TOX2: variants seen among roughly 807,000 people sequenced by gnomAD.
TOX2 encodes the protein granulosa cell HMG box 1.
TOX2 carries 15 observed loss-of-function variants against 47.4 expected under a neutral mutation model. That is an observed-to-expected ratio of 0.32 (90% CI 0.21 to 0.49). TOX2 has a LOEUF of 0.49. Ranked by LOEUF, TOX2 falls within the 20% of genes least tolerant of loss-of-function variation. The pLI is 0.99. For synonymous variants in TOX2, 290 were observed against 296.6 expected (o/e 0.98, Z 0.23); for missense variants, 622 against 673.1 (o/e 0.92, Z 0.84).
At chr20:44,060,479 T>C (rs1305455201) in intron 5 of TOX2, among the ~76,000 whole-genome samples, 1 of 152,086 alleles carries the variant, frequency 6.6e-6, no homozygotes, top group African/African-American at 2.4e-5. Context: ...TGGAACGTTC[T>C]CCAAGATAGA....
chr20:43,974,855 C>T lies in TOX2; in HGVS notation c.165+1423C>T, dbSNP rs556870595. ...CCTGCCGCTGCAGGATCGCTCATGCCGGGGCCACCATACCATGCCCCTCTC... is the reference window on the plus strand; with the variant it reads ...CCTGCCGCTGCAGGATCGCTCATGCTGGGGCCACCATACCATGCCCCTCTC... On this transcript the variant is annotated intron_variant, in intron 2 of 8. Coordinates refer to ENST00000341197, the MANE Select transcript of TOX2 (RefSeq NM_001098797.2). Among the ~76,000 whole-genome samples, 9 of 152,296 alleles carry T rather than the reference C, an allele frequency of 5.9e-5. No homozygotes were observed. In the South Asian group the frequency reaches 1.0e-3, roughly 18 times the overall value.
At position 43,915,011 on chromosome 20, in the gene TOX2, G is replaced by GT. The variant is rs2069040431; in HGVS notation, c.99+22dup. 8.1e-7 allele frequency: 1 copy of GT among 1,232,602 alleles called. No individual in the cohort carries two copies. Among genetic ancestry groups the GT allele is most frequent in the African/African-American group, 1.6e-5 (1 of 62,770 alleles). 76.4% of individuals were successfully genotyped at this position (1,232,602 alleles called of 1,614,324 possible). On this transcript the variant is annotated intron_variant, in intron 1 of 8. Transcript: ENST00000341197. This position sits in a 1 kb window ranked among gnomAD's most constrained non-coding sequence, Gnocchi z 7.1. ...GCAAGGTAGGCGGGGGCGGGCGGGG[G>GT]TCCCCGGCGGGCGGGGCCGGAGTCA...
chr20:43,925,838 A>G (rs532164501), intron 1 of TOX2, among the ~76,000 whole-genome samples: 30 of 152,330 alleles, frequency 2.0e-4, no homozygotes, highest in Admixed American at 3.9e-4. Context: ...TTAGGTGAGA[A>G]GACTGAGGTC....
intron 2 of TOX2, among the ~76,000 whole-genome samples, chr20:44,000,098 G>A (rs918156033): frequency 2.6e-5 from 4 of 152,186 alleles, no homozygotes; most frequent in Admixed American, 1.3e-4. Flanking sequence ...AGATGATGAC[G>A]TCAGAGAGGT....
At chr20:43,991,157 A>T (rs1004317870) in intron 2 of TOX2, among the ~76,000 whole-genome samples, 1 of 152,226 alleles carries the variant, frequency 6.6e-6, no homozygotes, top group Non-Finnish European at 1.5e-5. Context: ...AAGGTCACAC[A>T]GCCTGTCAGA....
intron 2 of TOX2, among the ~76,000 whole-genome samples, chr20:43,994,325 G>A (rs2070427364): frequency 6.6e-6 from 1 of 151,756 alleles, no homozygotes. Context: ...CAGGTGTGTT[G>A]GCTCGTGCCT....
chr20:44,065,188 G>C (rs1056672308), intron 6 of TOX2, among the ~76,000 whole-genome samples: 1 of 152,152 alleles, frequency 6.6e-6, no homozygotes, highest in African/African-American at 2.4e-5. Flanking sequence ...CCGCTGATGG[G>C]GCTTGGGACA....
At chr20:44,056,539 A>G (rs1280762636) in intron 5 of TOX2, among the ~76,000 whole-genome samples, 1 of 152,194 alleles carries the variant, frequency 6.6e-6, no homozygotes, top group Non-Finnish European at 1.5e-5. Context: ...AGCGCAGCCC[A>G]GAGGCAAGCA....
intron 1 of TOX2, among the ~76,000 whole-genome samples, chr20:43,921,525 G>T (rs539447736): frequency 6.6e-6 from 1 of 152,122 alleles, no homozygotes; most frequent in Non-Finnish European, 1.5e-5. Flanking sequence ...GTAGCACTTG[G>T]CCCCAGCAGG....
chr20:43,946,071 G>A (rs200213866), intron 1 of TOX2: 34 of 1,611,226 alleles, frequency 2.1e-5, no homozygotes, highest in Non-Finnish European at 2.4e-5. Context: ...CCCATGAGGT[G>A]GAGGTGGTCA....
At chr20:44,057,071 G>T (rs910457460) in intron 5 of TOX2, among the ~76,000 whole-genome samples, 1 of 152,036 alleles carries the variant, frequency 6.6e-6, no homozygotes, top group Non-Finnish European at 1.5e-5. Context: ...GCATCACCAT[G>T]CCCCACAAAA....
chr20:44,066,407 C>T (rs183898875), intron 7 of TOX2, among the ~76,000 whole-genome samples: 17 of 152,312 alleles, frequency 1.1e-4, no homozygotes, highest in Admixed American at 5.9e-4. Flanking sequence ...ACCTTACCCC[C>T]GCTAATTGTT....
chr20:43,961,934 A>T (rs1006739848), intron 1 of TOX2, among the ~76,000 whole-genome samples: 3 of 152,172 alleles, frequency 2.0e-5, no homozygotes, highest in Non-Finnish European at 4.4e-5. Context: ...TTCCCAGCCC[A>T]GCTCCCTCCA....
chr20:43,965,781 G>A (rs925205507), intron 1 of TOX2, among the ~76,000 whole-genome samples: 1 of 152,184 alleles, frequency 6.6e-6, no homozygotes, highest in Non-Finnish European at 1.5e-5. Context: ...AGAAGACATG[G>A]GAGGGACAGG....
At position 43,965,497 on chromosome 20, in the gene TOX2, C is replaced by T. The variant is rs141040738; in HGVS notation, c.100-7870C>T. On this transcript the variant is annotated intron_variant, in intron 1 of 8. Coordinates refer to ENST00000341197, the MANE Select transcript of TOX2 (RefSeq NM_001098797.2). The stretch of plus-strand genomic sequence containing the variant: ...CACACTCCCTGTCACATAGTAAGCA[C>T]GCACAAGAGATCGTTCAATGAACAG... Among the ~76,000 whole-genome samples, 20 of 152,316 alleles carry T rather than the reference C, an allele frequency of 1.3e-4. No individual in the cohort carries two copies. The South Asian group carries it at 2.3e-3, about 17-fold the overall frequency.
At chr20:43,982,300 G>A (rs1281101957) in intron 2 of TOX2, among the ~76,000 whole-genome samples, 1 of 152,180 alleles carries the variant, frequency 6.6e-6, no homozygotes, top group Non-Finnish European at 1.5e-5. Context: ...ATGGGAGAAT[G>A]AGCTCCCGGT....
At chr20:44,055,879 T>A (rs1384915897) in intron 5 of TOX2, among the ~76,000 whole-genome samples, 2 of 152,268 alleles carry the variant, frequency 1.3e-5, no homozygotes, top group African/African-American at 4.8e-5. Context: ...TACTGACTTA[T>A]TTGAAACATC....
At chr20:43,983,683 T>TG (rs930049675) in intron 2 of TOX2, among the ~76,000 whole-genome samples, 26 of 144,130 alleles carry the variant, frequency 1.8e-4, no homozygotes, top group African/African-American at 6.9e-4. Flanking sequence ...GTAGATGGTC[T>TG]GTTTTTTCCA....
chr20:44,057,296 T>G (rs1219934098), intron 5 of TOX2, among the ~76,000 whole-genome samples: 2 of 152,324 alleles, frequency 1.3e-5, no homozygotes, highest in African/African-American at 4.8e-5. Flanking sequence ...TGACTAGGAC[T>G]TCTAAAAAAG....
Sources: gnomAD v4.1 joint callset for allele counts (sites outside exome capture counted in the v4.1 genomes callset) on GRCh38, gnomAD v4.1.1 for gene constraint, Gnocchi (gnomAD v3.1) non-coding constraint, MANE v1.5 for transcripts, NCBI Gene and HGNC (gene_info 2026-07-23, HGNC 2026-07-21) for gene names.